GRM8: variants seen among roughly 807,000 people sequenced by gnomAD.
The protein encoded by GRM8 is glutamate metabotropic receptor 8.
A neutral mutation model predicts 87.2 loss-of-function variants in GRM8; 47 were observed. The ratio of observed to expected loss-of-function variants is 0.54; its 90% CI spans 0.43 to 0.69. The LOEUF (loss-of-function observed/expected upper bound fraction) is 0.69. Among genes scored for constraint, GRM8 ranks in the 30% least tolerant of loss-of-function variants. GRM8 has a pLI of 0.00. For missense variants in GRM8, 1,019 were observed against 1,139.2 expected (o/e 0.89, Z 1.52); for synonymous variants, 396 against 404.5 (o/e 0.98, Z 0.25).
At chr7:127,031,897 A>G (rs1817409617) in intron 3 of GRM8, among the ~76,000 whole-genome samples, 2 of 152,128 alleles carry the variant, frequency 1.3e-5, no homozygotes, top group African/African-American at 4.8e-5. Context: ...AAGAAGTTCT[A>G]CATCTGTGTC....
intron 3 of GRM8, among the ~76,000 whole-genome samples, chr7:126,975,976 A>G (rs917659819): frequency 1.3e-5 from 2 of 152,106 alleles, no homozygotes; most frequent in Admixed American, 1.3e-4. Context: ...CCAGGGCTCA[A>G]CCCAGATGGA....
At chr7:127,199,319 C>T (rs1366113081) in intron 2 of GRM8, among the ~76,000 whole-genome samples, 1 of 152,212 alleles carries the variant, frequency 6.6e-6, no homozygotes, top group Non-Finnish European at 1.5e-5. Flanking sequence ...CAATTGAATG[C>T]TTATTAAGTA....
chr7:126,801,171 T>G (rs1822632010), intron 6 of GRM8, among the ~76,000 whole-genome samples: 1 of 152,152 alleles, frequency 6.6e-6, no homozygotes, highest in Admixed American at 6.5e-5. Context: ...TTTCACCTAC[T>G]AATGTCCTAT....
At chr7:126,686,426 G>C (rs568756619) in intron 7 of GRM8, among the ~76,000 whole-genome samples, 2 of 152,134 alleles carry the variant, frequency 1.3e-5, no homozygotes, top group African/African-American at 4.8e-5. Flanking sequence ...CCTTCAGGGA[G>C]CCCAGCTCTG....
At chr7:126,830,951 A>C (rs1174039541) in intron 6 of GRM8, among the ~76,000 whole-genome samples, 2 of 151,896 alleles carry the variant, frequency 1.3e-5, no homozygotes, top group Non-Finnish European at 2.9e-5. Context: ...GGTCTATTGG[A>C]GTTTGCTAGA....
chr7:127,181,659 T>A (rs955982929), intron 2 of GRM8, among the ~76,000 whole-genome samples: 5 of 151,926 alleles, frequency 3.3e-5, no homozygotes, highest in African/African-American at 1.2e-4. Context: ...CATAGACCAG[T>A]GAAACAGGAT....
At chr7:127,195,001 G>A (rs964747224) in intron 2 of GRM8, among the ~76,000 whole-genome samples, 2 of 151,816 alleles carry the variant, frequency 1.3e-5, no homozygotes, top group Admixed American at 6.6e-5. Context: ...TAGTTTTGTC[G>A]GGCTATTTAT....
At chr7:127,003,343 G>A (rs902808755) in intron 3 of GRM8, among the ~76,000 whole-genome samples, 10 of 151,742 alleles carry the variant, frequency 6.6e-5, no homozygotes, top group African/African-American at 2.4e-4. Context: ...AGCTCCTAGA[G>A]AATGGTGACA....
chr7:127,120,710 C>T (rs1435689791), intron 2 of GRM8, among the ~76,000 whole-genome samples: 4 of 152,184 alleles, frequency 2.6e-5, no homozygotes, highest in Non-Finnish European at 5.9e-5. Context: ...ATGTTGTCAT[C>T]ATGAGGAGAT....
At chr7:127,075,837 A>T in intron 3 of GRM8, 1 of 175,710 alleles carries the variant, frequency 5.7e-6, no homozygotes. Context: ...CAGCCTGCTC[A>T]CCCATACCTG....
Position 127,106,812 on chromosome 7 carries a change from A to G in GRM8, c.511-100T>C, listed in dbSNP as rs1252096570. On this transcript the variant is annotated intron_variant, in intron 2 of 10. Coordinates refer to ENST00000339582, the MANE Select transcript of GRM8 (RefSeq NM_000845.3). ...AGCCAAGGCTATACCAGAAACCTAG[A>G]CATATCAACCTGAAGCCAAAATACA... 6.0e-6 allele frequency: 5 copies of G among 834,390 alleles called. No homozygotes were observed. The Admixed American group carries it at 1.1e-4, about 18-fold the overall frequency. 51.7% of individuals were successfully genotyped at this position (834,390 alleles called of 1,614,324 possible). A position where few individuals can be genotyped will look rare whatever the true frequency, so the allele number is the denominator to read the frequency against.
intron 7 of GRM8, among the ~76,000 whole-genome samples, chr7:126,722,829 C>T (rs1049926025): frequency 1.7e-4 from 25 of 146,874 alleles, no homozygotes; most frequent in African/African-American, 5.6e-4. Context: ...GGGGCTATCA[C>T]CCAATATTTG....
chr7:126,919,229 G>A (rs1169613105), intron 3 of GRM8, among the ~76,000 whole-genome samples: 1 of 152,110 alleles, frequency 6.6e-6, no homozygotes, highest in African/African-American at 2.4e-5. Flanking sequence ...AACATTTGTG[G>A]CTATCAGTTC....
At chr7:127,218,251 C>A (rs1050238305) in intron 2 of GRM8, among the ~76,000 whole-genome samples, 1 of 152,224 alleles carries the variant, frequency 6.6e-6, no homozygotes, top group Non-Finnish European at 1.5e-5. Context: ...TCCTTTCTTG[C>A]CCCAACAGTG....
chr7:127,224,256 A>G (rs1265197991), intron 2 of GRM8, among the ~76,000 whole-genome samples: 2 of 152,236 alleles, frequency 1.3e-5, no homozygotes, highest in African/African-American at 2.4e-5. Flanking sequence ...ACCAAGATGC[A>G]TCACAGTCCC....
chr7:126,501,800 A>G (rs772767238), intron 9 of GRM8, among the ~76,000 whole-genome samples: 1 of 151,906 alleles, frequency 6.6e-6, no homozygotes, highest in Non-Finnish European at 1.5e-5. Context: ...AGGGAGAATG[A>G]GTGTCAATGG....
rs112260351 is a variant in GRM8 at position 126,890,986 on chromosome 7, C to A, written c.1156+11556G>T. ...CCTTGTATTCTTAGCTTCAGACTCACATAACCAAGTAACCCTTCCCAGACA... is the reference window on the plus strand; with the variant it reads ...CCTTGTATTCTTAGCTTCAGACTCAAATAACCAAGTAACCCTTCCCAGACA... On this transcript the variant is annotated intron_variant, in intron 6 of 10. Coordinates refer to ENST00000339582, the MANE Select transcript of GRM8 (RefSeq NM_000845.3). Among the ~76,000 whole-genome samples, 1,404 of 152,150 alleles carry A rather than the reference C, an allele frequency of 9.2e-3. 8 individuals are homozygous for A. The highest frequency in any genetic ancestry group is 0.015 in the Admixed American group (229 of 15,248).
chr7:126,523,039 T>C (rs1037054139), intron 9 of GRM8, among the ~76,000 whole-genome samples: 2 of 152,242 alleles, frequency 1.3e-5, no homozygotes, highest in Non-Finnish European at 1.5e-5. Flanking sequence ...ATTGTGGCCA[T>C]TGAAAAGTAT....
intron 6 of GRM8, among the ~76,000 whole-genome samples, chr7:126,854,515 G>A (rs1194167879): frequency 5.3e-5 from 8 of 152,164 alleles, no homozygotes; most frequent in South Asian, 2.1e-4. Context: ...GGGGTGGAAC[G>A]CAAAATCTTA....
Sources: gnomAD v4.1 joint callset for allele counts (sites outside exome capture counted in the v4.1 genomes callset) on GRCh38, gnomAD v4.1.1 for gene constraint, MANE v1.5 for transcripts, NCBI Gene and HGNC (gene_info 2026-07-23, HGNC 2026-07-21) for gene names.